Variants in CNTNAP5 observed in about 807,000 individuals in gnomAD.
The protein encoded by CNTNAP5 is contactin-associated protein-like 5.
Under a neutral mutation model 150.2 loss-of-function variants are expected in CNTNAP5, and 72 were observed. That is an observed-to-expected ratio of 0.48 (90% CI 0.40 to 0.58). The LOEUF (loss-of-function observed/expected upper bound fraction) is 0.58, where lower values mean the gene tolerates loss of function less well. Among genes scored for constraint, CNTNAP5 ranks in the 20% least tolerant of loss-of-function variants. The pLI is 0.00. For missense variants in CNTNAP5, 1,636 were observed against 1,626.2 expected, an observed-to-expected ratio of 1.01 and a Z score of -0.10; for synonymous variants, 672 against 619.8, an observed-to-expected ratio of 1.08 and a Z score of -1.25.
intron 3 of CNTNAP5, among the ~76,000 whole-genome samples, chr2:124,382,173 A>G (rs533731694): frequency 5.3e-5 from 8 of 152,282 alleles, no homozygotes; most frequent in East Asian, 1.9e-4. Flanking sequence ...TAAGCCATCA[A>G]TGTGGCTAGG....
At chr2:124,032,819 G>A (rs904359249) in intron 1 of CNTNAP5, among the ~76,000 whole-genome samples, 2 of 152,204 alleles carry the variant, frequency 1.3e-5, no homozygotes, top group Non-Finnish European at 2.9e-5. Flanking sequence ...TATTCTCAGT[G>A]CAGTATATTT....
At chr2:124,789,461 T>G (rs561338204) in intron 17 of CNTNAP5, among the ~76,000 whole-genome samples, 1 of 152,158 alleles carries the variant, frequency 6.6e-6, no homozygotes, top group Non-Finnish European at 1.5e-5. Flanking sequence ...TGGGTAAACT[T>G]GTATAACATG....
rs528379032 is a variant in CNTNAP5 at position 124,452,743 on chromosome 2, A to G, written c.918+5806A>G. On this transcript the variant is annotated intron_variant, in intron 6 of 23. Coordinates refer to ENST00000682447, the MANE Select transcript of CNTNAP5 (RefSeq NM_001367498.1). ...GCAGTACCAGCACAGAGCCTGGTAG[A>G]CTTGCTGGGTGGCCAGATCCAGAAG... Among the ~76,000 whole-genome samples, 3 of 152,264 alleles carry G rather than the reference A, an allele frequency of 2.0e-5. No individual in the cohort carries two copies. In the East Asian group the frequency reaches 5.8e-4, roughly 30 times the overall value.
In CNTNAP5 at chr2:124,398,363, C is replaced by T. The variant is rs1457202741; in HGVS notation, c.382-19080C>T. On this transcript the variant is annotated intron_variant, in intron 3 of 23. Coordinates refer to ENST00000682447, the MANE Select transcript of CNTNAP5 (RefSeq NM_001367498.1). ...GCTTTAAGGAATTAGTTCCCTGTTGCCTTTGGGGGAACATCTCGCAGTTTG... is the reference window on the plus strand; with the variant it reads ...GCTTTAAGGAATTAGTTCCCTGTTGTCTTTGGGGGAACATCTCGCAGTTTG... 2.0e-5 allele frequency among the ~76,000 whole-genome samples: 3 copies of T among 152,016 alleles called. No individual in the cohort carries two copies. The East Asian group carries it at 5.8e-4, about 29-fold the overall frequency.
At chr2:124,737,852 T>C (rs1289990537) in intron 13 of CNTNAP5, among the ~76,000 whole-genome samples, 1 of 152,096 alleles carries the variant, frequency 6.6e-6, no homozygotes, top group African/African-American at 2.4e-5. Flanking sequence ...TGTTTTCTCA[T>C]CTGCAAAGGG....
intron 1 of CNTNAP5, among the ~76,000 whole-genome samples, chr2:124,219,443 G>T (rs1364266875): frequency 6.6e-6 from 1 of 152,126 alleles, no homozygotes; most frequent in Non-Finnish European, 1.5e-5. Flanking sequence ...TCCAGTGGAA[G>T]TGGGTGTCAG....
At chr2:124,782,134 G>A (rs1414850928) in intron 17 of CNTNAP5, among the ~76,000 whole-genome samples, 1 of 151,892 alleles carries the variant, frequency 6.6e-6, no homozygotes, top group East Asian at 1.9e-4. Flanking sequence ...AGAGCATATT[G>A]TGTTATGCGT....
At chr2:124,551,041 T>A (rs1472759376) in intron 10 of CNTNAP5, among the ~76,000 whole-genome samples, 1 of 152,136 alleles carries the variant, frequency 6.6e-6, no homozygotes, top group African/African-American at 2.4e-5. Flanking sequence ...TTTTTCAGTG[T>A]GCGGTAGAGT....
chr2:124,625,161 C>A (rs143066088), intron 12 of CNTNAP5, among the ~76,000 whole-genome samples: 1 of 152,138 alleles, frequency 6.6e-6, no homozygotes, highest in East Asian at 1.9e-4. Flanking sequence ...TCCCTTAACT[C>A]AATGCCATGG....
chr2:124,373,579 C>A (rs548836217), intron 3 of CNTNAP5, among the ~76,000 whole-genome samples: 1 of 151,778 alleles, frequency 6.6e-6, no homozygotes, highest in Non-Finnish European at 1.5e-5. Flanking sequence ...GAAATTCAAA[C>A]GGACAGCATA....
intron 1 of CNTNAP5, among the ~76,000 whole-genome samples, chr2:124,088,562 C>G (rs1459998842): frequency 6.8e-6 from 1 of 147,488 alleles, no homozygotes; most frequent in African/African-American, 2.5e-5. Flanking sequence ...TTATTTAAAC[C>G]TTCTGTTTTA....
intron 12 of CNTNAP5, among the ~76,000 whole-genome samples, chr2:124,646,391 A>G: frequency 6.6e-6 from 1 of 152,200 alleles, no homozygotes; most frequent in East Asian, 1.9e-4. Context: ...TGTTTCATGG[A>G]TGTGCCTCGG....
Position 124,915,604 on chromosome 2 carries a change from T to A in CNTNAP5, c.*1316T>A, listed in dbSNP as rs1271607270. ...CTGTAGCATACCACATTTTCAAATCTGCTATACCCTATATACATAAAGACC... is the reference window on the plus strand; with the variant it reads ...CTGTAGCATACCACATTTTCAAATCAGCTATACCCTATATACATAAAGACC... On this transcript the variant is annotated 3_prime_UTR_variant, in exon 24 of 24. Coordinates refer to ENST00000682447, the MANE Select transcript of CNTNAP5 (RefSeq NM_001367498.1). Among the ~76,000 whole-genome samples, 1 of 152,054 alleles carries A rather than the reference T, an allele frequency of 6.6e-6. No homozygotes were observed. The highest frequency in any genetic ancestry group is 1.5e-5 in the Non-Finnish European group (1 of 67,968).
chr2:124,914,092 G>C lies in CNTNAP5; in HGVS notation c.3728G>C (p.Gly1243Ala). 1 of 1,608,800 alleles carries C rather than the reference G, an allele frequency of 6.2e-7. No individual in the cohort carries two copies. The highest frequency in any genetic ancestry group is 1.1e-5 in the South Asian group (1 of 90,798). The part of the protein sequence containing the change: ...AVRSDSAVIG[G>A]VIAVVIFIIF... ...CTCTTTCCTTCCCCTTTCTCTCCAG[G>C]GGTGATAGCAGTGGTGATATTCATC... Residue 1243 changes from glycine to alanine, a missense_variant and splice_region_variant, in exon 24 of 24, where the codon GGG becomes GCG. Coordinates refer to ENST00000682447, the MANE Select transcript of CNTNAP5 (RefSeq NM_001367498.1).
intron 2 of CNTNAP5, among the ~76,000 whole-genome samples, chr2:124,222,886 A>G (rs1445212585): frequency 6.6e-6 from 1 of 152,040 alleles, no homozygotes; most frequent in Non-Finnish European, 1.5e-5. Flanking sequence ...TTAAAATGGG[A>G]TTCATAATTT....
intron 1 of CNTNAP5, among the ~76,000 whole-genome samples, chr2:124,221,284 G>C (rs1033158943): frequency 6.6e-6 from 1 of 152,128 alleles, no homozygotes; most frequent in African/African-American, 2.4e-5. Flanking sequence ...CTGAAGATGG[G>C]AGAGTAGTCA....
chr2:124,913,169 T>G (rs557165282), intron 23 of CNTNAP5, among the ~76,000 whole-genome samples: 20 of 152,130 alleles, frequency 1.3e-4, no homozygotes, highest in Non-Finnish European at 2.4e-4. Context: ...CAATATCTCC[T>G]CTCCTTAGAA....
At position 124,508,088 on chromosome 2, in the gene CNTNAP5, TA is replaced by T. The variant is rs55744296; in HGVS notation, c.1327+3542del. Among the ~76,000 whole-genome samples, 272 of 150,644 alleles carry T rather than the reference TA, an allele frequency of 1.8e-3. 1 individual carries two copies. The highest frequency in any genetic ancestry group is 6.1e-3 in the African/African-American group (249 of 41,060). On this transcript the variant is annotated intron_variant, in intron 8 of 23. Coordinates refer to ENST00000682447, the MANE Select transcript of CNTNAP5 (RefSeq NM_001367498.1). The stretch of plus-strand genomic sequence containing the variant: ...CTTAGATATTGCCTATCACAAGAGA[TA>T]AAAAAAAAATTATGTTGGTGCTGGC...
chr2:124,536,544 TC>T (rs1409447061), intron 10 of CNTNAP5, among the ~76,000 whole-genome samples: 1 of 152,024 alleles, frequency 6.6e-6, no homozygotes, highest in Admixed American at 6.6e-5. Flanking sequence ...GACAACCAAT[TC>T]TTAGAGAGGT....
Sources: gnomAD v4.1 joint callset for allele counts (sites outside exome capture counted in the v4.1 genomes callset) on GRCh38, gnomAD v4.1.1 for gene constraint, MANE v1.5 for transcripts, NCBI Gene and HGNC (gene_info 2026-07-23, HGNC 2026-07-21) for gene names.